Variants in PPFIA2 observed in about 807,000 individuals in gnomAD.
PPFIA2 encodes the protein PPFI scaffold protein A2, also known as liprin-alpha-2.
PPFIA2 carries 46 observed loss-of-function variants against 175.5 expected under a neutral mutation model. The observed-to-expected ratio is 0.26, with a 90% CI of 0.21 to 0.34. PPFIA2 has a LOEUF of 0.34. PPFIA2 is among the 10% of genes least tolerant of loss of function. The pLI is 1.00. For missense variants in PPFIA2, 1,179 were observed against 1,506.1 expected, an observed-to-expected ratio of 0.78 and a Z score of 3.60; for synonymous variants, 568 against 511.4, an observed-to-expected ratio of 1.11 and a Z score of -1.49.
intron 7 of PPFIA2, among the ~76,000 whole-genome samples, chr12:81,413,277 A>C (rs182011817): frequency 0.014 from 2,144 of 151,966 alleles, 52 homozygotes; most frequent in East Asian, 0.058. Flanking sequence ...TGAATGAAAA[A>C]AAAGCATATG....
chr12:81,533,743 C>A (rs77657822), intron 4 of PPFIA2, among the ~76,000 whole-genome samples: 51 of 106,054 alleles, frequency 4.8e-4, no homozygotes, highest in East Asian at 3.8e-3. Flanking sequence ...ATCTATATAT[C>A]TATCTATCTA....
intron 4 of PPFIA2, among the ~76,000 whole-genome samples, chr12:81,603,272 C>T (rs2059971643): frequency 6.6e-6 from 1 of 151,804 alleles, no homozygotes; most frequent in South Asian, 2.1e-4. Context: ...TCTCCATTCT[C>T]TGCAATGTCT....
At chr12:81,710,276 C>T (rs1353016403) in intron 3 of PPFIA2, among the ~76,000 whole-genome samples, 1 of 147,976 alleles carries the variant, frequency 6.8e-6, no homozygotes, top group Non-Finnish European at 1.5e-5. Flanking sequence ...GCACCTTCCA[C>T]CCAAGACTAT....
At chr12:81,675,239 GA>G (rs1478557586) in intron 4 of PPFIA2, among the ~76,000 whole-genome samples, 4 of 151,606 alleles carry the variant, frequency 2.6e-5, no homozygotes, top group African/African-American at 4.8e-5. Flanking sequence ...TATAGAGAGA[GA>G]GAGATAAAGT....
chr12:81,679,024 T>A (rs1413985681), intron 3 of PPFIA2, among the ~76,000 whole-genome samples: 1 of 151,802 alleles, frequency 6.6e-6, no homozygotes, highest in Non-Finnish European at 1.5e-5. Flanking sequence ...CTTTGTATAA[T>A]TAAAACAAAG....
chr12:81,651,287 A>T (rs1262670611), intron 4 of PPFIA2, among the ~76,000 whole-genome samples: 1 of 152,190 alleles, frequency 6.6e-6, no homozygotes, highest in Non-Finnish European at 1.5e-5. Flanking sequence ...GCTGGGAGAT[A>T]AATGAGAGCA....
intron 4 of PPFIA2, among the ~76,000 whole-genome samples, chr12:81,661,794 T>A (rs1385182043): frequency 6.6e-6 from 1 of 152,164 alleles, no homozygotes. Flanking sequence ...ACCACATAGT[T>A]GGAAGTAAAG....
intron 8 of PPFIA2, among the ~76,000 whole-genome samples, chr12:81,392,251 G>C: frequency 6.6e-6 from 1 of 151,942 alleles, no homozygotes; most frequent in East Asian, 1.9e-4. Context: ...TGTAGTCTTC[G>C]ATTAGAAAGA....
chr12:81,286,196 TAA>T (rs1334123108), intron 24 of PPFIA2, among the ~76,000 whole-genome samples: 5 of 151,998 alleles, frequency 3.3e-5, no homozygotes, highest in African/African-American at 1.2e-4. Flanking sequence ...AGTATTATTT[TAA>T]AAAGAGTCAA....
chr12:81,330,318 G>A (rs2055847592), intron 21 of PPFIA2, among the ~76,000 whole-genome samples: 1 of 152,076 alleles, frequency 6.6e-6, no homozygotes, highest in Admixed American at 6.5e-5. Context: ...TCTGACTGGT[G>A]GCACGCTTGT....
rs144375310 is a variant in PPFIA2 at position 81,363,760 on chromosome 12, C to T, written c.1546-976G>A. ...CTTTTTCCTGAATGATTTTTACCAG[C>T]TTCAGTCTCTTTCCTACACATTTCT... On this transcript the variant is annotated intron_variant, in intron 14 of 32. Transcript: ENST00000549396. 5.7e-3 allele frequency among the ~76,000 whole-genome samples: 870 copies of T among 151,852 alleles called. 28 individuals carry two copies. The highest frequency in any genetic ancestry group is 0.052 in the Admixed American group (791 of 15,178).
intron 4 of PPFIA2, among the ~76,000 whole-genome samples, chr12:81,585,639 A>G (rs144806937): frequency 1.2e-3 from 185 of 151,974 alleles, no homozygotes; most frequent in African/African-American, 4.1e-3. Context: ...TTCAGGAACA[A>G]TAACACCCAC....
intron 4 of PPFIA2, among the ~76,000 whole-genome samples, chr12:81,522,051 G>A (rs533660526): frequency 6.6e-6 from 1 of 152,096 alleles, no homozygotes; most frequent in Non-Finnish European, 1.5e-5. Flanking sequence ...ATAAGTCATT[G>A]TACATATACT....
At chr12:81,333,690 C>T (rs763229360) in intron 21 of PPFIA2, among the ~76,000 whole-genome samples, 12 of 152,118 alleles carry the variant, frequency 7.9e-5, no homozygotes, top group Non-Finnish European at 1.6e-4. Flanking sequence ...TTAGATCCCA[C>T]TTACATCCAT....
chr12:81,586,483 T>C (rs562711156), intron 4 of PPFIA2, among the ~76,000 whole-genome samples: 3 of 151,978 alleles, frequency 2.0e-5, no homozygotes, highest in South Asian at 2.1e-4. Context: ...ATACAGTAAA[T>C]TATATTTTAA....
At chr12:81,295,503 C>T (rs897177033) in intron 23 of PPFIA2, among the ~76,000 whole-genome samples, 4 of 152,182 alleles carry the variant, frequency 2.6e-5, no homozygotes, top group Non-Finnish European at 2.9e-5. Flanking sequence ...CATGTGATTT[C>T]GATCAAAGCA....
intron 4 of PPFIA2, among the ~76,000 whole-genome samples, chr12:81,597,096 T>C (rs774007282): frequency 6.6e-6 from 1 of 152,122 alleles, no homozygotes; most frequent in Non-Finnish European, 1.5e-5. Flanking sequence ...AATAATTAAA[T>C]GTCAGGCTGT....
At chr12:81,521,636 A>G (rs1270380140) in intron 4 of PPFIA2, among the ~76,000 whole-genome samples, 5 of 140,778 alleles carry the variant, frequency 3.6e-5, no homozygotes, top group African/African-American at 1.3e-4. Flanking sequence ...GCTAACAAGG[A>G]TCTCTAATAA....
At chr12:81,689,124 TA>T (rs78936066) in intron 3 of PPFIA2, among the ~76,000 whole-genome samples, 3 of 149,878 alleles carry the variant, frequency 2.0e-5, no homozygotes, top group East Asian at 2.0e-4. Context: ...ATCTTAAATT[TA>T]AAAAAAAACA....
Sources: gnomAD v4.1 joint callset for allele counts (sites outside exome capture counted in the v4.1 genomes callset) on GRCh38, gnomAD v4.1.1 for gene constraint, MANE v1.5 for transcripts, NCBI Gene and HGNC (gene_info 2026-07-23, HGNC 2026-07-21) for gene names.